Variants in FRMD3 observed in about 807,000 individuals in gnomAD.
FRMD3 encodes the protein FERM domain containing 3.
A neutral mutation model predicts 70.2 loss-of-function variants in FRMD3; 33 were observed. The observed-to-expected ratio is 0.47, with a 90% CI of 0.36 to 0.63. FRMD3 has a LOEUF of 0.63. FRMD3 is among the 20% of genes least tolerant of loss of function. The pLI, the probability that FRMD3 is intolerant of heterozygous loss-of-function variation, is 0.00. For missense variants in FRMD3, 632 were observed against 711.4 expected, an observed-to-expected ratio of 0.89 and a Z score of 1.27; for synonymous variants, 279 against 255.9, an observed-to-expected ratio of 1.09 and a Z score of -0.86.
chr9:83,423,551 A>G (rs1826704975), intron 1 of FRMD3, among the ~76,000 whole-genome samples: 1 of 146,106 alleles, frequency 6.8e-6, no homozygotes, highest in Admixed American at 6.8e-5. Context: ...ATTTTAATTT[A>G]AACTTTAGTT....
intron 2 of FRMD3, among the ~76,000 whole-genome samples, chr9:83,388,903 A>G (rs1188279425): frequency 6.7e-6 from 1 of 148,950 alleles, no homozygotes; most frequent in African/African-American, 2.5e-5. Context: ...CCCTATACCC[A>G]TTAAGCAGTT....
At chr9:83,369,368 G>C (rs1824895035) in intron 3 of FRMD3, among the ~76,000 whole-genome samples, 1 of 152,030 alleles carries the variant, frequency 6.6e-6, no homozygotes, top group South Asian at 2.1e-4. Context: ...CTGAGGTCAG[G>C]AGTTCAAGAC....
intron 3 of FRMD3, among the ~76,000 whole-genome samples, chr9:83,357,237 TAATAC>T (rs1187838144): frequency 3.7e-4 from 4 of 10,938 alleles, no homozygotes; most frequent in East Asian, 3.3e-3. Flanking sequence ...TATATATATA[TAATAC>T]ATACATATAT....
chr9:83,502,321 T>G (rs1829087408), intron 1 of FRMD3, among the ~76,000 whole-genome samples: 1 of 152,206 alleles, frequency 6.6e-6, no homozygotes, highest in African/African-American at 2.4e-5. Context: ...TAAAGGCATG[T>G]TCCCAGTACC....
rs1340835977 is a variant in FRMD3 at position 83,298,806 on chromosome 9, C to A, written c.1012G>T (p.Ala338Ser). The change falls in exon 12 of 14, where the codon GCC becomes TCC. Residue 338 changes from alanine (A) to serine (S), a missense_variant. Physicochemically the swap from Ala to Ser is moderately conservative, Grantham distance 99. Coordinates refer to ENST00000304195, the MANE Select transcript of FRMD3 (RefSeq NM_174938.6). ...GAACTGGCCTCCACCACCTCTTTGGCAACTTTCCCACTGCAAAAGACAGAA... is the reference window on the plus strand; with the variant it reads ...GAACTGGCCTCCACCACCTCTTTGGAAACTTTCCCACTGCAAAAGACAGAA... ...GSRFRYSGKV[A>S]KEVVEASSKI... 17 of 1,614,090 alleles carry A rather than the reference C, an allele frequency of 1.1e-5. No individual in the cohort carries two copies. Among genetic ancestry groups the A allele is most frequent in the African/African-American group, 5.3e-5 (4 of 74,940 alleles).
chr9:83,343,062 A>G, intron 5 of FRMD3, 128 bp downstream of exon 5: 5 of 713,516 alleles, frequency 7.0e-6, no homozygotes, highest in Non-Finnish European at 1.3e-5. Flanking sequence ...GTTGCTACGT[A>G]CCCAGCCCTA....
At chr9:83,300,443 G>T (rs1373664723) in intron 10 of FRMD3, among the ~76,000 whole-genome samples, 1 of 152,206 alleles carries the variant, frequency 6.6e-6, no homozygotes, top group East Asian at 1.9e-4. Flanking sequence ...AGCAACTCAG[G>T]AATGGAAAAC....
chr9:83,406,646 C>G (rs1247654094), intron 1 of FRMD3, among the ~76,000 whole-genome samples: 1 of 152,218 alleles, frequency 6.6e-6, no homozygotes, highest in Non-Finnish European at 1.5e-5. Context: ...GTGCTGCTCC[C>G]CCAAGTTATA....
intron 1 of FRMD3, among the ~76,000 whole-genome samples, chr9:83,490,794 T>A (rs202153735): frequency 0.075 from 9,026 of 120,188 alleles, 328 homozygotes; most frequent in East Asian, 0.22. Flanking sequence ...TCTCTCTCTC[T>A]CTCTCACACA....
intron 1 of FRMD3, among the ~76,000 whole-genome samples, chr9:83,413,762 T>C (rs1386738663): frequency 3.9e-5 from 6 of 152,150 alleles, no homozygotes; most frequent in Non-Finnish European, 8.8e-5. Context: ...CAAAACTGCC[T>C]TCACTAATCT....
chr9:83,408,658 C>T (rs1158042660), intron 1 of FRMD3, among the ~76,000 whole-genome samples: 1 of 152,246 alleles, frequency 6.6e-6, no homozygotes, highest in Non-Finnish European at 1.5e-5. Context: ...GGTTTGGGAA[C>T]TGACCTTGGT....
chr9:83,456,486 A>G (rs1229790830), intron 1 of FRMD3, among the ~76,000 whole-genome samples: 1 of 152,236 alleles, frequency 6.6e-6, no homozygotes, highest in African/African-American at 2.4e-5. Flanking sequence ...CTATTACAAA[A>G]GTGTAATAGA....
chr9:83,355,360 G>A (rs551764138), intron 3 of FRMD3, among the ~76,000 whole-genome samples: 4 of 152,286 alleles, frequency 2.6e-5, no homozygotes, highest in African/African-American at 7.2e-5. Flanking sequence ...AACAGCCACT[G>A]TGCATCTTTA....
At chr9:83,421,240 G>A (rs1182755236) in intron 1 of FRMD3, among the ~76,000 whole-genome samples, 2 of 152,042 alleles carry the variant, frequency 1.3e-5, no homozygotes, top group Non-Finnish European at 2.9e-5. Flanking sequence ...GCGCCCGGCC[G>A]AGCCATCTTT....
intron 13 of FRMD3, among the ~76,000 whole-genome samples, chr9:83,277,747 A>G (rs573682381): frequency 6.6e-6 from 1 of 152,332 alleles, no homozygotes; most frequent in Admixed American, 6.5e-5. Flanking sequence ...AGAATATTCT[A>G]CTTGTATGCT....
At chr9:83,484,398 T>C (rs552251744) in intron 1 of FRMD3, among the ~76,000 whole-genome samples, 2 of 152,330 alleles carry the variant, frequency 1.3e-5, no homozygotes, top group South Asian at 2.1e-4. Flanking sequence ...ACATGGGTAC[T>C]TTACAAATAT....
chr9:83,243,172 C>T (rs530560413), downstream of FRMD3: 33 of 1,549,556 alleles, frequency 2.1e-5, no homozygotes, highest in Admixed American at 5.9e-5. Context: ...CTTGGCTGAG[C>T]TCACCACGGG....
At chr9:83,579,649 C>A in the FRMD3 span, among the ~76,000 whole-genome samples, 2 of 152,046 alleles carry the variant, frequency 1.3e-5, no homozygotes, top group Admixed American at 1.3e-4. Context: ...GAATTAAAGA[C>A]TTAAACATAA....
intron 13 of FRMD3, among the ~76,000 whole-genome samples, chr9:83,265,991 A>T (rs1239206214): frequency 6.6e-6 from 1 of 152,240 alleles, no homozygotes; most frequent in African/African-American, 2.4e-5. Context: ...TAACTGAGTT[A>T]TGATATCTTT....
Sources: gnomAD v4.1 joint callset for allele counts (sites outside exome capture counted in the v4.1 genomes callset) on GRCh38, gnomAD v4.1.1 for gene constraint, MANE v1.5 for transcripts, NCBI Gene and HGNC (gene_info 2026-07-23, HGNC 2026-07-21) for gene names.